SLC17A1: variants seen among roughly 807,000 people sequenced by gnomAD.
SLC17A1 encodes the protein solute carrier family 17 member 1.
In SLC17A1, 51 loss-of-function variants were observed where a neutral mutation model predicts 53.5. That is an observed-to-expected ratio of 0.95 (90% CI 0.76 to 1.20). The LOEUF (loss-of-function observed/expected upper bound fraction) is 1.20, where lower values mean the gene tolerates loss of function less well. Ranked by LOEUF, SLC17A1 falls within the 50% of genes most tolerant of loss-of-function variation. The probability of loss-of-function intolerance (pLI) is 0.00; values close to 1 mark genes in which losing one functional copy is unlikely to be tolerated. For synonymous variants in SLC17A1, 179 were observed against 198.8 expected (o/e 0.90, Z 0.84); for missense variants, 538 against 568.2 (o/e 0.95, Z 0.54).
At chr6:25,766,648 G>A in the SLC17A1 span, among the ~76,000 whole-genome samples, 1 of 152,164 alleles carries the variant, frequency 6.6e-6, no homozygotes, top group Non-Finnish European at 1.5e-5. Context: ...TGATGAGAAT[G>A]AGTTTACCTC....
chr6:25,762,964 A>G, the SLC17A1 span, among the ~76,000 whole-genome samples: 64,402 of 152,126 alleles, frequency 0.42, 16,687 homozygotes, highest in South Asian at 0.6. Flanking sequence ...GTAAAATTTT[A>G]CCAAGGTGCA....
At chr6:25,738,917 T>A in the SLC17A1 span, among the ~76,000 whole-genome samples, 1 of 152,120 alleles carries the variant, frequency 6.6e-6, no homozygotes, top group Non-Finnish European at 1.5e-5. Context: ...AAACTTGATC[T>A]CCCATACATT....
chr6:25,775,720 G>T, the SLC17A1 span, among the ~76,000 whole-genome samples: 1 of 152,118 alleles, frequency 6.6e-6, no homozygotes, highest in African/African-American at 2.4e-5. Flanking sequence ...GAGCCACCAT[G>T]GCTGGCCTAA....
intron 3 of SLC17A1, 145 bp from the exon 4 acceptor site, chr6:25,820,060 A>G (rs893715824): frequency 8.4e-6 from 5 of 596,262 alleles, no homozygotes; most frequent in Admixed American, 6.4e-5. Flanking sequence ...GACCTTCTTT[A>G]TTCTTTTATC....
At chr6:25,811,292 G>C in intron 10 of SLC17A1, 106 bp downstream of exon 10, 1 of 1,250,456 alleles carries the variant, frequency 8.0e-7, no homozygotes, top group Non-Finnish European at 1.1e-6. Context: ...CTCGATTTTA[G>C]CCATTCCACA....
the SLC17A1 span, chr6:25,727,335 A>AT: frequency 6.6e-7 from 1 of 1,525,252 alleles, no homozygotes; most frequent in Non-Finnish European, 8.8e-7. Context: ...GGCTCTTTTC[A>AT]GAGCCACTTA....
At position 25,830,520 on chromosome 6, in the gene SLC17A1, C is replaced by T. The variant is rs1158377398; in HGVS notation, c.34+4G>A. 7 of 1,606,510 alleles carry T rather than the reference C, an allele frequency of 4.4e-6. No individual in the cohort carries two copies. Among genetic ancestry groups the T allele is most frequent in the South Asian group, 2.2e-5 (2 of 90,882 alleles). On this transcript the variant is annotated splice_donor_region_variant and intron_variant, in intron 2 of 12. Transcript: ENST00000244527. ...CTGTTTAATGGAACAGAATAAAGTG[C>T]TACCTTTTTTGGGAGGCAACCGGTT...
chr6:25,796,346 T>G (rs1043559694), intron 12 of SLC17A1, among the ~76,000 whole-genome samples: 1 of 152,140 alleles, frequency 6.6e-6, no homozygotes, highest in Non-Finnish European at 1.5e-5. Flanking sequence ...GCTTGCATCT[T>G]GGCAAATTTT....
At chr6:25,751,908 G>C in the SLC17A1 span, among the ~76,000 whole-genome samples, 1 of 152,144 alleles carries the variant, frequency 6.6e-6, no homozygotes. Context: ...TCAATGGCCA[G>C]AAATGTGTAG....
At chr6:25,783,895 T>G (rs1763322507) in intron 12 of SLC17A1, among the ~76,000 whole-genome samples, 1 of 151,858 alleles carries the variant, frequency 6.6e-6, no homozygotes, top group Admixed American at 6.6e-5. Context: ...CTCTGGCAAG[T>G]TGGGCTGAAA....
intron 10 of SLC17A1, among the ~76,000 whole-genome samples, chr6:25,803,324 T>C (rs1763848219): frequency 7.1e-6 from 1 of 141,238 alleles, no homozygotes; most frequent in Non-Finnish European, 1.6e-5. Context: ...TGTGTAGATC[T>C]AGTGGGCAAG....
At chr6:25,769,841 G>A in the SLC17A1 span, among the ~76,000 whole-genome samples, 1 of 150,840 alleles carries the variant, frequency 6.6e-6, no homozygotes, top group African/African-American at 2.4e-5. Context: ...GTTTCTTTAC[G>A]AACTCTCTTA....
chr6:25,810,141 A>G (rs900999126), intron 10 of SLC17A1, among the ~76,000 whole-genome samples: 1 of 152,118 alleles, frequency 6.6e-6, no homozygotes. Context: ...TAAACATAAG[A>G]CCTGAAACTG....
At chr6:25,801,450 G>C (rs1581461093) in intron 10 of SLC17A1, among the ~76,000 whole-genome samples, 1 of 152,124 alleles carries the variant, frequency 6.6e-6, no homozygotes, top group Admixed American at 6.5e-5. Context: ...GGCCAATCCT[G>C]GAAGCTCAAA....
the SLC17A1 span, chr6:25,726,793 A>C: frequency 3.0e-6 from 4 of 1,325,182 alleles, no homozygotes; most frequent in Non-Finnish European, 4.1e-6. Context: ...TTACTTGGCG[A>C]GACTTGGAGC....
intron 10 of SLC17A1, among the ~76,000 whole-genome samples, chr6:25,803,233 G>A (rs1214995862): frequency 5.3e-5 from 8 of 151,954 alleles, no homozygotes; most frequent in African/African-American, 1.7e-4. Context: ...CACCACGCCC[G>A]GCCCCGCAGG....
intron 12 of SLC17A1, among the ~76,000 whole-genome samples, chr6:25,794,192 T>C (rs2151477295): frequency 6.6e-6 from 1 of 152,260 alleles, no homozygotes; most frequent in Middle Eastern, 3.4e-3. Flanking sequence ...GAGGGAACTT[T>C]CTCTATAAAC....
At chr6:25,750,633 C>CAGAG in the SLC17A1 span, among the ~76,000 whole-genome samples, 70,316 of 145,480 alleles carry the variant, frequency 0.48, 17,533 homozygotes, top group East Asian at 0.74. Flanking sequence ...TAACCCATGT[C>CAGAG]AGAGAGAGAG....
the SLC17A1 span, chr6:25,726,648 C>A: frequency 7.8e-7 from 1 of 1,285,906 alleles, no homozygotes; most frequent in Non-Finnish European, 1.1e-6. Flanking sequence ...TCTACCCAAT[C>A]AGAAAGTCGT....
Sources: allele counts gnomAD v4.1 joint callset (sites outside exome capture counted in the v4.1 genomes callset), GRCh38; gene constraint gnomAD v4.1.1; transcripts MANE v1.5; gene names NCBI Gene and HGNC (gene_info 2026-07-23, HGNC 2026-07-21).